The following NCKAP5 variants were observed in gnomAD, a reference collection of about 807,000 sequenced individuals.
NCKAP5 encodes the protein NCK associated protein 5.
In NCKAP5, 92 loss-of-function variants were observed where a neutral mutation model predicts 167.0. The ratio of observed to expected loss-of-function variants is 0.55; its 90% CI spans 0.47 to 0.66. The LOEUF (loss-of-function observed/expected upper bound fraction) is 0.66. Among genes scored for constraint, NCKAP5 ranks in the 30% least tolerant of loss-of-function variants. The pLI is 0.00. For missense variants in NCKAP5, 2,378 were observed against 2,315.0 expected (o/e 1.03, Z -0.56); for synonymous variants, 891 against 877.4 (o/e 1.02, Z -0.27).
chr2:133,014,776 A>G (rs901836375), intron 6 of NCKAP5, among the ~76,000 whole-genome samples: 2 of 152,230 alleles, frequency 1.3e-5, no homozygotes, highest in African/African-American at 2.4e-5. Context: ...TTTTATAGAG[A>G]CTACTGCTTG....
intron 19 of NCKAP5, among the ~76,000 whole-genome samples, chr2:132,696,130 C>G (rs1687284541): frequency 6.6e-6 from 1 of 152,174 alleles, no homozygotes; most frequent in South Asian, 2.1e-4. Context: ...TACAGGGACA[C>G]AGCCTGACCA....
At chr2:133,001,371 C>T (rs987485533) in intron 6 of NCKAP5, among the ~76,000 whole-genome samples, 1 of 152,016 alleles carries the variant, frequency 6.6e-6, no homozygotes, top group Non-Finnish European at 1.5e-5. Flanking sequence ...GACACGAGCC[C>T]TCAATGCCTG....
chr2:133,288,975 T>C (rs1679364099), intron 4 of NCKAP5, among the ~76,000 whole-genome samples: 1 of 152,160 alleles, frequency 6.6e-6, no homozygotes, highest in Non-Finnish European at 1.5e-5. Flanking sequence ...CCATTCTCAT[T>C]ACCAATGGGA....
chr2:133,193,566 T>C (rs566088794), intron 5 of NCKAP5, among the ~76,000 whole-genome samples: 8 of 152,242 alleles, frequency 5.3e-5, no homozygotes, highest in African/African-American at 1.9e-4. Flanking sequence ...TGTATTCTAG[T>C]GATTATTATA....
chr2:133,441,501 C>T (rs1574961724), intron 3 of NCKAP5, among the ~76,000 whole-genome samples: 2 of 152,108 alleles, frequency 1.3e-5, no homozygotes, highest in African/African-American at 2.4e-5. Flanking sequence ...GTCTTTGCAG[C>T]GTTAGGATAC....
rs1261207495 is a variant in NCKAP5, at chr2:133,031,055, G to C, written c.342-36816C>G. Among the ~76,000 whole-genome samples the C allele has an allele frequency of 2.0e-5, 3 of 152,072 alleles. No individual in the cohort carries two copies. The South Asian group carries it at 6.2e-4, about 32-fold the overall frequency. On this transcript the variant is annotated intron_variant, in intron 6 of 19. Transcript: ENST00000409261. The stretch of plus-strand genomic sequence containing the variant: ...ATCAGAGTAAGATGGTGGAATACAA[G>C]GCTTTGCCGATTGTTCCCCCTACAA...
chr2:133,041,239 T>C (rs1333224170), intron 6 of NCKAP5, among the ~76,000 whole-genome samples: 1 of 152,122 alleles, frequency 6.6e-6, no homozygotes, highest in East Asian at 1.9e-4. Flanking sequence ...TGTTAAAGTA[T>C]AAGGAGTGCT....
intron 5 of NCKAP5, among the ~76,000 whole-genome samples, chr2:133,171,730 G>T (rs1245194794): frequency 6.6e-6 from 1 of 152,164 alleles, no homozygotes; most frequent in African/African-American, 2.4e-5. Flanking sequence ...GACAACAATA[G>T]ATCCGCCGTA....
intron 5 of NCKAP5, among the ~76,000 whole-genome samples, chr2:133,203,294 A>G (rs977725887): frequency 1.3e-5 from 2 of 152,192 alleles, no homozygotes; most frequent in African/African-American, 4.8e-5. Flanking sequence ...GCAACGACAG[A>G]AAACCAAACA....
chr2:132,780,930 G>T, intron 15 of NCKAP5, 122 bp downstream of exon 15: 3 of 1,019,200 alleles, frequency 2.9e-6, no homozygotes, highest in South Asian at 3.8e-5. Context: ...CTTTTTCACT[G>T]ACCTTTTCTT....
At chr2:133,558,636 A>C (rs1375538279) in intron 2 of NCKAP5, among the ~76,000 whole-genome samples, 2 of 145,298 alleles carry the variant, frequency 1.4e-5, no homozygotes, top group Non-Finnish European at 3.0e-5. Flanking sequence ...GGATTTGACA[A>C]TTTTGCCAAA....
intron 5 of NCKAP5, among the ~76,000 whole-genome samples, chr2:133,181,720 G>T (rs2084747545): frequency 6.6e-6 from 1 of 150,856 alleles, no homozygotes; most frequent in Admixed American, 6.6e-5. Flanking sequence ...AGAGGTTGCA[G>T]TGAGCCGAGA....
At chr2:133,638,237 G>A in the NCKAP5 span, among the ~76,000 whole-genome samples, 1 of 152,086 alleles carries the variant, frequency 6.6e-6, no homozygotes, top group African/African-American at 2.4e-5. Flanking sequence ...TAAATAGACA[G>A]GTAGATCTAA....
intron 16 of NCKAP5, among the ~76,000 whole-genome samples, chr2:132,734,467 G>C (rs1691316568): frequency 6.6e-6 from 1 of 152,196 alleles, no homozygotes; most frequent in Non-Finnish European, 1.5e-5. Flanking sequence ...TAGCAGCTGA[G>C]ATGTGTCAGA....
chr2:132,864,423 G>C (rs1690179435), intron 10 of NCKAP5, among the ~76,000 whole-genome samples: 1 of 152,070 alleles, frequency 6.6e-6, no homozygotes, highest in African/African-American at 2.4e-5. Flanking sequence ...CACTCTTCAT[G>C]TTACTATCAA....
intron 6 of NCKAP5, chr2:133,123,851 G>A: frequency 2.1e-6 from 1 of 470,506 alleles, no homozygotes; most frequent in Non-Finnish European, 4.4e-6. Context: ...GAAGCAGAAG[G>A]GAGTACATGG....
chr2:132,710,605 G>A (rs1308032725), intron 19 of NCKAP5, among the ~76,000 whole-genome samples: 2 of 152,144 alleles, frequency 1.3e-5, no homozygotes, highest in Admixed American at 6.5e-5. Flanking sequence ...GGGGAAAAAG[G>A]GAAAGTATAA....
chr2:133,143,233 C>A (rs954425735), intron 5 of NCKAP5, among the ~76,000 whole-genome samples: 1 of 151,998 alleles, frequency 6.6e-6, no homozygotes, highest in Non-Finnish European at 1.5e-5. Flanking sequence ...GTGAGAGTTA[C>A]CTGCCATCTT....
intron 3 of NCKAP5, among the ~76,000 whole-genome samples, chr2:133,507,060 C>T (rs565689477): frequency 6.6e-6 from 1 of 152,326 alleles, no homozygotes; most frequent in South Asian, 2.1e-4. Flanking sequence ...ACCACACCCA[C>T]AGTCTAGCCC....
Sources: allele counts gnomAD v4.1 joint callset (sites outside exome capture counted in the v4.1 genomes callset), GRCh38; gene constraint gnomAD v4.1.1; transcripts MANE v1.5; gene names NCBI Gene and HGNC (gene_info 2026-07-23, HGNC 2026-07-21).